EVI5L: variants seen among roughly 807,000 people sequenced by gnomAD.
EVI5L encodes EVI5-like protein.
In EVI5L, 30 loss-of-function variants were observed where a neutral mutation model predicts 106.1. That is an observed-to-expected ratio of 0.28 (90% CI 0.21 to 0.38). EVI5L has a LOEUF of 0.38. Ranked by LOEUF, EVI5L falls within the 10% of genes least tolerant of loss-of-function variation. The pLI is 1.00. For synonymous variants in EVI5L, 489 were observed against 483.3 expected (o/e 1.01, Z -0.15); for missense variants, 809 against 1,098.0 (o/e 0.74, Z 3.72).
At chr19:7,860,500 T>C in intron 13 of EVI5L, 61 bp from the exon 14 acceptor site, 1 of 1,455,678 alleles carries the variant, frequency 6.9e-7, no homozygotes, top group Non-Finnish European at 9.2e-7. Flanking sequence ...CCAGCAGGCA[T>C]GGAGGCTGCC....
Position 7,863,020 on chromosome 19 carries a change from G to T in EVI5L, c.1996G>T (p.Ala666Ser). The part of the protein sequence containing the change: ...AVRLREADSM[A>S]AVAEMRQRIA... ...GCGACTGCGGGAGGCGGACAGCATG[G>T]CTGCGGTGGCCGAGATGCGGCAGCG... Residue 666 changes from alanine (A) to serine (S), a missense_variant, in exon 18 of 20, where the codon GCT (alanine) becomes TCT (serine). Physicochemically the swap from Ala to Ser is moderately conservative, Grantham distance 99 (BLOSUM62 1). This residue lies in a region of EVI5L where 452 missense variants were observed against 509.9 expected (regional missense o/e 0.89). Transcript: ENST00000538904. This position sits in a 1 kb window ranked among gnomAD's most constrained non-coding sequence, Gnocchi z 7.7. 2 of 1,582,246 alleles carry T rather than the reference G, an allele frequency of 1.3e-6. No individual in the cohort carries two copies. The highest frequency in any genetic ancestry group is 1.7e-6 in the Non-Finnish European group (2 of 1,171,622).
rs11879626 is a variant in EVI5L at position 7,845,153 on chromosome 19, C to T, written c.-47-1343C>T. 4.6e-4 allele frequency among the ~76,000 whole-genome samples: 70 copies of T among 152,190 alleles called. 2 individuals carry two copies. The South Asian group carries it at 9.7e-3, about 21-fold the overall frequency. On this transcript the variant is annotated intron_variant, in intron 1 of 19. Coordinates refer to ENST00000538904, the MANE Select transcript of EVI5L (RefSeq NM_001159944.3). This position sits in a 1 kb window ranked among gnomAD's most constrained non-coding sequence, Gnocchi z 4.0. ...AGGTCAGGTGGGGTCAAGTGGCACACGGCAGACTCCTGCTACAGAGCGTGC... is the reference window on the plus strand; with the variant it reads ...AGGTCAGGTGGGGTCAAGTGGCACATGGCAGACTCCTGCTACAGAGCGTGC...
At chr19:7,846,715 G>C (rs1978970225) in intron 2 of EVI5L, 36 bp downstream of exon 2, 1 of 1,603,046 alleles carries the variant, frequency 6.2e-7, no homozygotes, top group African/African-American at 1.3e-5. Flanking sequence ...TGAAATCTTG[G>C]GGTGCAGTCT....
At position 7,853,187 on chromosome 19, in the gene EVI5L, G is replaced by T. The variant is rs372255387; in HGVS notation, c.1085+4G>T. On this transcript the variant is annotated splice_donor_region_variant and intron_variant, in intron 9 of 19. Coordinates refer to ENST00000538904, the MANE Select transcript of EVI5L (RefSeq NM_001159944.3). The stretch of plus-strand genomic sequence containing the variant: ...ACAACCCCAAGAAGATGAAGAGGTC[G>T]GTGCCTGCTGGGCAACCAGGGTACT... The T allele has an allele frequency of 4.0e-5, 64 of 1,613,934 alleles. 1 individual carries two copies. In the South Asian group the frequency reaches 6.6e-4, roughly 17 times the overall value.
intron 1 of EVI5L, among the ~76,000 whole-genome samples, chr19:7,834,177 T>C (rs1176557056): frequency 6.6e-6 from 1 of 152,000 alleles, no homozygotes; most frequent in East Asian, 1.9e-4. Context: ...TGAAACCCCG[T>C]CTCTATTAAA....
At chr19:7,831,678 G>A (rs191898822) in intron 1 of EVI5L, among the ~76,000 whole-genome samples, 1 of 152,316 alleles carries the variant, frequency 6.6e-6, no homozygotes, top group Admixed American at 6.5e-5. Context: ...ACCACTGCCC[G>A]CCCCCTGATT....
intron 1 of EVI5L, 76 bp from the exon 2 acceptor site, chr19:7,846,420 A>G: frequency 7.4e-7 from 1 of 1,357,928 alleles, no homozygotes; most frequent in Non-Finnish European, 9.9e-7. Context: ...CAGGGTGAGG[A>G]AATGTCCCGA....
In EVI5L at chr19:7,863,787, A is replaced by T; in HGVS notation, c.*85A>T. ...CCGCGTTCTGCTCCCCACCTGCCGC[A>T]CTTGACAAACTACGCGCCCTCTGTG... On this transcript the variant is annotated 3_prime_UTR_variant, in exon 20 of 20. Transcript: ENST00000538904. This position sits in a 1 kb window ranked among gnomAD's most constrained non-coding sequence, Gnocchi z 7.7. The T allele has an allele frequency of 7.1e-7, 1 of 1,408,462 alleles. No individual in the cohort carries two copies. The highest frequency in any genetic ancestry group is 9.2e-7 in the Non-Finnish European group (1 of 1,084,408). 87.2% of individuals were successfully genotyped at this position (1,408,462 alleles called of 1,614,324 possible).
At position 7,857,449 on chromosome 19, in the gene EVI5L, C is replaced by A; in HGVS notation, c.1233+325C>A. The A allele has an allele frequency of 1.9e-6, 1 of 531,138 alleles. No individual in the cohort carries two copies. Among genetic ancestry groups the A allele is most frequent in the Non-Finnish European group, 3.4e-6 (1 of 292,490 alleles). The allele number at this position is 531,138 out of a possible 1,614,324, so 32.9% of individuals were successfully genotyped here. A position where few individuals can be genotyped will look rare whatever the true frequency, so the allele number is the denominator to read the frequency against. On this transcript the variant is annotated intron_variant, in intron 12 of 19. Transcript: ENST00000538904. This position sits in a 1 kb window ranked among gnomAD's most constrained non-coding sequence, Gnocchi z 4.5. ...ACCTAAAACCATATTCACATAAGGC[C>A]CTGGTGTGTGCAGTGCTGCGGTCAC...
rs1458300955 is a variant in EVI5L, at chr19:7,862,515, A to T, written c.1928A>T (p.Gln643Leu). The T allele has an allele frequency of 1.9e-6, 3 of 1,545,256 alleles. No individual in the cohort carries two copies. The African/African-American group carries it at 4.1e-5, about 21-fold the overall frequency. ...QTQLSESRRKQAEAECKSKEE... is the reference protein window; with the variant it reads ...QTQLSESRRKLAEAECKSKEE... ...CAGCTCAGCGAAAGCCGCCGCAAGC[A>T]GGCCGAGGCCGAGTGCAAGGTGCAG... is the stretch of plus-strand genomic sequence containing the variant. Residue 643 changes from glutamine to leucine, a missense_variant, in exon 17 of 20, where the codon CAG (glutamine) becomes CTG (leucine). Around this residue, in one of 2 missense-constraint regions of EVI5L, gnomAD observed 452 missense variants for 509.9 expected, o/e 0.89. Transcript: ENST00000538904.
intron 14 of EVI5L, among the ~76,000 whole-genome samples, chr19:7,861,281 C>A (rs948810520): frequency 6.6e-6 from 1 of 152,240 alleles, no homozygotes; most frequent in Non-Finnish European, 1.5e-5. Flanking sequence ...AAGAGCTGGG[C>A]TCCGCTCCCG....
In EVI5L at chr19:7,860,438, C is replaced by G; in HGVS notation, c.1375-123C>G. 3.6e-6 allele frequency: 3 copies of G among 836,558 alleles called. No homozygotes were observed. In the South Asian group the frequency reaches 5.4e-5, roughly 15 times the overall value. 51.8% of individuals were successfully genotyped at this position (836,558 alleles called of 1,614,324 possible). ...ATCAGGGGGTCCAGCCCAGGACACC[C>G]CAAGCCTGGGCCCCTCTCCCTGCTG... On this transcript the variant is annotated intron_variant, in intron 13 of 19. Coordinates refer to ENST00000538904, the MANE Select transcript of EVI5L (RefSeq NM_001159944.3).
intron 1 of EVI5L, among the ~76,000 whole-genome samples, chr19:7,842,381 T>G (rs1209654553): frequency 1.5e-5 from 2 of 129,688 alleles, no homozygotes; most frequent in Non-Finnish European, 3.4e-5. Context: ...TGCATGTGTG[T>G]GCATGTCTGT....
At chr19:7,832,907 G>C (rs1978299931) in intron 1 of EVI5L, among the ~76,000 whole-genome samples, 1 of 152,188 alleles carries the variant, frequency 6.6e-6, no homozygotes, top group Non-Finnish European at 1.5e-5. Flanking sequence ...GGTAGGAAGA[G>C]GTTTGTTCTG....
At chr19:7,855,330 G>A (rs575759556) in intron 10 of EVI5L, among the ~76,000 whole-genome samples, 1 of 152,262 alleles carries the variant, frequency 6.6e-6, no homozygotes, top group Non-Finnish European at 1.5e-5. Context: ...GACCTCAGGT[G>A]ATTTGCCTGC....
In EVI5L at chr19:7,850,274, C is replaced by A; in HGVS notation, c.753+152C>A. ...TGAAAATTCCAAGCCTGTGAAATCA[C>A]ACCTGGACGTTCCAACTCCAAAAGG... On this transcript the variant is annotated intron_variant, in intron 6 of 19. Transcript: ENST00000538904. The surrounding 1 kb of genome is among the most constrained non-coding windows in gnomAD (Gnocchi z 5.4). 2 of 1,172,368 alleles carry A rather than the reference C, an allele frequency of 1.7e-6. No homozygotes were observed. The highest frequency in any genetic ancestry group is 1.6e-5 in the South Asian group (1 of 63,392). 72.6% of individuals were successfully genotyped at this position (1,172,368 alleles called of 1,614,324 possible).
In EVI5L at chr19:7,857,015, C is replaced by G. The variant is rs1242956704; in HGVS notation, c.1201-77C>G. The G allele has an allele frequency of 1.4e-6, 2 of 1,470,344 alleles. No homozygotes were observed. Among genetic ancestry groups the G allele is most frequent in the Non-Finnish European group, 1.9e-6 (2 of 1,073,218 alleles). 91.1% of individuals were successfully genotyped at this position (1,470,344 alleles called of 1,614,324 possible). ...TGCGTTAGTGACAAGTGGTTCTTGT[C>G]TGTCTCCCCTCTCCTGTCCCCGCGC... On this transcript the variant is annotated intron_variant, in intron 11 of 19. Coordinates refer to ENST00000538904, the MANE Select transcript of EVI5L (RefSeq NM_001159944.3). The surrounding 1 kb of genome is among the most constrained non-coding windows in gnomAD (Gnocchi z 4.5).
intron 10 of EVI5L, among the ~76,000 whole-genome samples, chr19:7,855,311 C>T (rs1460101380): frequency 6.6e-6 from 1 of 151,934 alleles, no homozygotes; most frequent in Non-Finnish European, 1.5e-5. Flanking sequence ...AGGCTGGTCT[C>T]GAACTCCTGA....
At position 7,863,028 on chromosome 19, in the gene EVI5L, G is replaced by A. The variant is rs1045673796; in HGVS notation, c.2004G>A (p.Val668=). The A allele has an allele frequency of 3.8e-6, 6 of 1,580,722 alleles. No homozygotes were observed. In the African/African-American group the frequency reaches 6.9e-5, roughly 18 times the overall value. Residue 668 remains valine (V), a synonymous_variant, in exon 18 of 20, where the codon GTG becomes GTA. Transcript: ENST00000538904. This position sits in a 1 kb window ranked among gnomAD's most constrained non-coding sequence, Gnocchi z 7.7. ...GGGAGGCGGACAGCATGGCTGCGGT[G>A]GCCGAGATGCGGCAGCGCATTGCCG... ...RLREADSMAA[V]AEMRQRIAEL... is the part of the protein sequence containing the mutation.
Sources: gnomAD v4.1 joint callset for allele counts (sites outside exome capture counted in the v4.1 genomes callset) on GRCh38, gnomAD v4.1.1 for gene constraint, gnomAD v4.1.1 regional missense constraint, Gnocchi (gnomAD v3.1) non-coding constraint, MANE v1.5 for transcripts, NCBI Gene and HGNC (gene_info 2026-07-23, HGNC 2026-07-21) for gene names.